ALDH1A2: variants seen among roughly 807,000 people sequenced by gnomAD.
The protein encoded by ALDH1A2 is aldehyde dehydrogenase 1 family member A2, also known as retinal dehydrogenase 2.
A neutral mutation model predicts 60.3 loss-of-function variants in ALDH1A2; 27 were observed. That is an observed-to-expected ratio of 0.45 (90% CI 0.33 to 0.62). The LOEUF is 0.62. Among genes scored for constraint, ALDH1A2 ranks in the 20% least tolerant of loss-of-function variants. The pLI, the probability that ALDH1A2 is intolerant of heterozygous loss-of-function variation, is 0.02. For missense variants in ALDH1A2, 581 were observed against 643.8 expected, an observed-to-expected ratio of 0.90 and a Z score of 1.06; for synonymous variants, 289 against 232.4, an observed-to-expected ratio of 1.24 and a Z score of -2.21.
intron 4 of ALDH1A2, among the ~76,000 whole-genome samples, chr15:58,001,124 A>C (rs1289845160): frequency 1.3e-5 from 2 of 151,670 alleles, no homozygotes; most frequent in African/African-American, 4.8e-5. Flanking sequence ...TTACACTCAA[A>C]ACTCTCTGAA....
chr15:58,017,815 A>G (rs1050039591), intron 1 of ALDH1A2, among the ~76,000 whole-genome samples: 2 of 152,172 alleles, frequency 1.3e-5, no homozygotes, highest in Non-Finnish European at 2.9e-5. Context: ...CATAAAAATA[A>G]AAATAAAAAT....
chr15:58,054,719 A>G (rs1896853589), intron 1 of ALDH1A2, among the ~76,000 whole-genome samples: 1 of 152,146 alleles, frequency 6.6e-6, no homozygotes, highest in Non-Finnish European at 1.5e-5. Context: ...TCCCAAGTCA[A>G]TCTTAACAGC....
chr15:58,002,133 G>A (rs1895296099), intron 4 of ALDH1A2, among the ~76,000 whole-genome samples: 1 of 151,808 alleles, frequency 6.6e-6, no homozygotes, highest in Admixed American at 6.6e-5. Context: ...CCAAATAGTA[G>A]TTTACAACTT....
intron 1 of ALDH1A2, among the ~76,000 whole-genome samples, chr15:58,032,627 C>G (rs796640275): frequency 2.2e-4 from 34 of 152,020 alleles, no homozygotes; most frequent in African/African-American, 8.2e-4. Context: ...GTGGATTTCT[C>G]AAAAAACTGA....
intron 7 of ALDH1A2, among the ~76,000 whole-genome samples, chr15:57,971,401 A>C (rs764160539): frequency 1.3e-5 from 2 of 152,166 alleles, no homozygotes; most frequent in African/African-American, 2.4e-5. Flanking sequence ...CCCCGACTAC[A>C]ATGACTGACT....
At position 57,955,215 on chromosome 15, in the gene ALDH1A2, G is replaced by T; in HGVS notation, c.1539C>A (p.Ile513=). 4 of 1,614,110 alleles carry T rather than the reference G, an allele frequency of 2.5e-6. No individual in the cohort carries two copies. The highest frequency in any genetic ancestry group is 1.7e-5 in the Admixed American group (1 of 60,008). The change falls in exon 13 of 13, where the codon ATC becomes ATA. Residue 513 remains isoleucine, a synonymous_variant. Coordinates refer to ENST00000249750, the MANE Select transcript of ALDH1A2 (RefSeq NM_003888.4). ...YSEVKTVTVK[I]PQKNS The stretch of plus-strand genomic sequence containing the variant: ...GGCCTTCTTAGGAGTTCTTCTGGGG[G>T]ATCTTTACTGTCACCGTCTTAACTT...
Position 58,011,084 on chromosome 15 carries a change from G to A in ALDH1A2, c.364-306C>T, listed in dbSNP as rs181239346. 1.1e-4 allele frequency among the ~76,000 whole-genome samples: 17 copies of A among 152,152 alleles called. No homozygotes were observed. The East Asian group carries it at 1.5e-3, about 14-fold the overall frequency. The stretch of plus-strand genomic sequence containing the variant: ...TGTTCTGCTTGTCAAAACAGCTTCC[G>A]TTATATTAATGATCAGAGCTCACTG... On this transcript the variant is annotated intron_variant, in intron 3 of 12. Coordinates refer to ENST00000249750, the MANE Select transcript of ALDH1A2 (RefSeq NM_003888.4).
Position 58,013,876 on chromosome 15 carries a change from C to A in ALDH1A2, c.345G>T (p.Arg115=), listed in dbSNP as rs1895708854. Residue 115 remains arginine, a synonymous_variant, in exon 3 of 13, where the codon CGG becomes CGT. Coordinates refer to ENST00000249750, the MANE Select transcript of ALDH1A2 (RefSeq NM_003888.4). ...TACTTACTGCAAGAACTGCCCTGTC[C>A]CGTTCCACCAAGTCTGCAAGCTTAT... ...LLDKLADLVE[R]DRAVLATMES... 2 of 1,613,992 alleles carry A rather than the reference C, an allele frequency of 1.2e-6. No homozygotes were observed. Among genetic ancestry groups the A allele is most frequent in the Admixed American group, 3.3e-5 (2 of 60,000 alleles).
chr15:58,014,285 AG>A lies in ALDH1A2; in HGVS notation c.118-5del. 1 of 1,610,940 alleles carries A rather than the reference AG, an allele frequency of 6.2e-7. No individual in the cohort carries two copies. Among genetic ancestry groups the A allele is most frequent in the Non-Finnish European group, 8.5e-7 (1 of 1,177,136 alleles). ...GCCACTCGTTGTTTATAAAGATCTA[AG>A]GGAGTAGATAACAGAATGGGATCTG... is the stretch of plus-strand genomic sequence containing the variant. On this transcript the variant is annotated splice_polypyrimidine_tract_variant and splice_region_variant and intron_variant, in intron 1 of 12. Transcript: ENST00000249750.
At chr15:58,003,613 A>G (rs1423183458) in intron 4 of ALDH1A2, among the ~76,000 whole-genome samples, 1 of 151,912 alleles carries the variant, frequency 6.6e-6, no homozygotes, top group African/African-American at 2.4e-5. Context: ...CACTTGCTAC[A>G]GAGAAAAATC....
intron 9 of ALDH1A2, among the ~76,000 whole-genome samples, chr15:57,963,669 C>T (rs1893801795): frequency 6.6e-6 from 1 of 152,118 alleles, no homozygotes; most frequent in South Asian, 2.1e-4. Context: ...AATGGTAATC[C>T]CATAGTTTTT....
In ALDH1A2 at chr15:58,051,881, C is replaced by T. The variant is rs184669804; in HGVS notation, c.117+13653G>A. Among the ~76,000 whole-genome samples, 377 of 152,280 alleles carry T rather than the reference C, an allele frequency of 2.5e-3. 2 individuals are homozygous for T. The highest frequency in any genetic ancestry group is 4.9e-3 in the Admixed American group (75 of 15,304). ...ACAAGTTCCCTTGCCACCACGCTTCCTCACCCTCCATGGTTTTCATGAGCT... is the reference window on the plus strand; with the variant it reads ...ACAAGTTCCCTTGCCACCACGCTTCTTCACCCTCCATGGTTTTCATGAGCT... On this transcript the variant is annotated intron_variant, in intron 1 of 12. Coordinates refer to ENST00000249750, the MANE Select transcript of ALDH1A2 (RefSeq NM_003888.4).
chr15:57,983,025 C>G (rs1225286947), intron 7 of ALDH1A2, among the ~76,000 whole-genome samples: 1 of 152,128 alleles, frequency 6.6e-6, no homozygotes, highest in Non-Finnish European at 1.5e-5. Flanking sequence ...ATTTTCCCAT[C>G]TCTATAAGGT....
At chr15:58,008,878 C>G (rs1431250071) in intron 4 of ALDH1A2, among the ~76,000 whole-genome samples, 1 of 152,000 alleles carries the variant, frequency 6.6e-6, no homozygotes, top group Admixed American at 6.6e-5. Context: ...GACTTTCTAC[C>G]TCACTTAGGC....
At chr15:57,958,735 A>ACAGAG (rs1893625468) in intron 12 of ALDH1A2, among the ~76,000 whole-genome samples, 1 of 152,230 alleles carries the variant, frequency 6.6e-6, no homozygotes. Flanking sequence ...GGGGACCAAG[A>ACAGAG]CAGAGCAGCT....
intron 12 of ALDH1A2, among the ~76,000 whole-genome samples, chr15:57,957,279 T>C (rs1893560574): frequency 6.6e-6 from 1 of 152,140 alleles, no homozygotes; most frequent in South Asian, 2.1e-4. Flanking sequence ...AACCTCAGTA[T>C]ACATAAGTAT....
intron 1 of ALDH1A2, among the ~76,000 whole-genome samples, chr15:58,023,462 T>C (rs1895988443): frequency 6.6e-6 from 1 of 152,180 alleles, no homozygotes; most frequent in South Asian, 2.1e-4. Context: ...CTCAGGCAGA[T>C]ACAATATGAA....
chr15:57,982,092 A>C (rs1245670345), intron 7 of ALDH1A2, among the ~76,000 whole-genome samples: 1 of 152,188 alleles, frequency 6.6e-6, no homozygotes, highest in African/African-American at 2.4e-5. Flanking sequence ...ATTAGTACCC[A>C]CCTGAACACC....
At chr15:57,991,724 A>G (rs1476498610) in intron 7 of ALDH1A2, 1 of 152,234 alleles carries the variant, frequency 6.6e-6, no homozygotes, top group Non-Finnish European at 1.5e-5. Flanking sequence ...TATTAACATT[A>G]ATTTCACGTA....
Sources: allele counts gnomAD v4.1 joint callset (sites outside exome capture counted in the v4.1 genomes callset), GRCh38; gene constraint gnomAD v4.1.1; transcripts MANE v1.5; gene names NCBI Gene and HGNC (gene_info 2026-07-23, HGNC 2026-07-21).